KCNQ1: variants seen among roughly 807,000 people sequenced by gnomAD.
KCNQ1 encodes the protein potassium voltage-gated channel subfamily Q member 1.
A neutral mutation model predicts 72.4 loss-of-function variants in KCNQ1; 49 were observed. The observed-to-expected ratio is 0.68, with a 90% CI of 0.54 to 0.86. The LOEUF is 0.86. KCNQ1 is among the 40% of genes least tolerant of loss of function. The pLI, the probability that KCNQ1 is intolerant of heterozygous loss-of-function variation, is 0.00. For missense variants in KCNQ1, 790 were observed against 945.1 expected (o/e 0.84, Z 2.15); for synonymous variants, 450 against 412.6 (o/e 1.09, Z -1.10).
rs1452228133 is a variant in KCNQ1, at chr11:2,481,696, T to C, written c.386+36212T>C. 6.6e-6 allele frequency among the ~76,000 whole-genome samples: 1 copy of C among 152,190 alleles called. No homozygotes were observed. The highest frequency in any genetic ancestry group is 2.4e-5 in the African/African-American group (1 of 41,446). On this transcript the variant is annotated intron_variant, in intron 1 of 15. Coordinates refer to ENST00000155840, the MANE Select transcript of KCNQ1 (RefSeq NM_000218.3). The surrounding 1 kb of genome is among the most constrained non-coding windows in gnomAD (Gnocchi z 4.6). ...TAGATTCTCACAGGGGTGTGTACCC[T>C]GTTGCAAACTATGCATGTGAGGGAT...
At chr11:2,837,837 G>T in intron 15 of KCNQ1, among the ~76,000 whole-genome samples, 1 of 152,242 alleles carries the variant, frequency 6.6e-6, no homozygotes, top group East Asian at 1.9e-4. Context: ...CGCCCAGGGG[G>T]CCACAGGGGC....
Position 2,647,926 on chromosome 11 carries a change from T to A in KCNQ1, c.1394-14035T>A, listed in dbSNP as rs1849691300. The A allele has an allele frequency of 2.5e-6, 1 of 398,348 alleles. No homozygotes were observed. Among genetic ancestry groups the A allele is most frequent in the Admixed American group, 4.4e-5 (1 of 22,714 alleles). The allele number at this position is 398,348 out of a possible 1,614,324, so 24.7% of individuals were successfully genotyped here. On this transcript the variant is annotated intron_variant, in intron 10 of 15. Transcript: ENST00000155840. This position sits in a 1 kb window ranked among gnomAD's most constrained non-coding sequence, Gnocchi z 4.0. ...TGATTTTCTCTTTTCAAAAAATCAG[T>A]TTTTTGGCTGGGTTTGTTGGCTCAC...
rs1032406331 is a variant in KCNQ1 at position 2,818,366 on chromosome 11, C to T, written c.1795-29401C>T. 2.6e-5 allele frequency among the ~76,000 whole-genome samples: 4 copies of T among 152,318 alleles called. No homozygotes were observed. Among genetic ancestry groups the T allele is most frequent in the Admixed American group, 2.0e-4 (3 of 15,302 alleles). Reference sequence around the variant, plus strand: ...CTGCAGCCCGTGTTCCTGGAGCCACCGTCCCAGGTGTGGCTAAGGCCCCCA... The same window carrying T: ...CTGCAGCCCGTGTTCCTGGAGCCACTGTCCCAGGTGTGGCTAAGGCCCCCA... On this transcript the variant is annotated intron_variant, in intron 15 of 15. Coordinates refer to ENST00000155840, the MANE Select transcript of KCNQ1 (RefSeq NM_000218.3). The surrounding 1 kb of genome is among the most constrained non-coding windows in gnomAD (Gnocchi z 7.2).
intron 2 of KCNQ1, among the ~76,000 whole-genome samples, chr11:2,560,088 G>T (rs888234604): frequency 1.4e-5 from 2 of 139,774 alleles, no homozygotes; most frequent in African/African-American, 5.4e-5. Flanking sequence ...TCAGCCATGG[G>T]GGGCCGTGAC....
intron 2 of KCNQ1, among the ~76,000 whole-genome samples, chr11:2,553,214 G>A (rs1353786580): frequency 6.9e-6 from 1 of 145,004 alleles, no homozygotes; most frequent in African/African-American, 2.5e-5. Context: ...CTATGGAGAT[G>A]ATTGTGTTGT....
At position 2,550,912 on chromosome 11, in the gene KCNQ1, G is replaced by T. The variant is rs887272889; in HGVS notation, c.478-19716G>T. Among the ~76,000 whole-genome samples, 1 of 152,092 alleles carries T rather than the reference G, an allele frequency of 6.6e-6. No individual in the cohort carries two copies. The highest frequency in any genetic ancestry group is 1.5e-5 in the Non-Finnish European group (1 of 68,004). On this transcript the variant is annotated intron_variant, in intron 2 of 15. Coordinates refer to ENST00000155840, the MANE Select transcript of KCNQ1 (RefSeq NM_000218.3). This position sits in a 1 kb window ranked among gnomAD's most constrained non-coding sequence, Gnocchi z 6.0. ...GGGCACAGACTGAGACAGGGTCCCC[G>T]TGTTCCATCCATGGGGTACAGCTGC...
chr11:2,701,161 C>T (rs1288408435), intron 11 of KCNQ1, among the ~76,000 whole-genome samples: 1 of 152,164 alleles, frequency 6.6e-6, no homozygotes, highest in East Asian at 1.9e-4. Flanking sequence ...CTGCCTCTGC[C>T]GAAAATATAC....
In KCNQ1 at chr11:2,815,349, G is replaced by C. The variant is rs1303865523; in HGVS notation, c.1795-32418G>C. Among the ~76,000 whole-genome samples the C allele has an allele frequency of 1.3e-5, 2 of 152,166 alleles. No homozygotes were observed. The highest frequency in any genetic ancestry group is 4.8e-5 in the African/African-American group (2 of 41,426). Reference sequence around the variant, plus strand: ...CCACTGGACCTCTGTGCTTTCTGGTGGGGGGCTTGTCAGGGAGCTCATGGG... The same window carrying C: ...CCACTGGACCTCTGTGCTTTCTGGTCGGGGGCTTGTCAGGGAGCTCATGGG... On this transcript the variant is annotated intron_variant, in intron 15 of 15. Coordinates refer to ENST00000155840, the MANE Select transcript of KCNQ1 (RefSeq NM_000218.3). This position sits in a 1 kb window ranked among gnomAD's most constrained non-coding sequence, Gnocchi z 5.4.
At position 2,451,519 on chromosome 11, in the gene KCNQ1, C is replaced by G. The variant is rs1014266559; in HGVS notation, c.386+6035C>G. 6.6e-6 allele frequency among the ~76,000 whole-genome samples: 1 copy of G among 152,184 alleles called. No individual in the cohort carries two copies. Among genetic ancestry groups the G allele is most frequent in the African/African-American group, 2.4e-5 (1 of 41,438 alleles). ...GTCATTGCCCTTGGAGGGTTCTGAG[C>G]ACTGGAAGGACCTGGCTGTGGTCCC... On this transcript the variant is annotated intron_variant, in intron 1 of 15. Transcript: ENST00000155840. This position sits in a 1 kb window ranked among gnomAD's most constrained non-coding sequence, Gnocchi z 6.4.
At position 2,588,956 on chromosome 11, in the gene KCNQ1, T is replaced by G. The variant is rs1171566238; in HGVS notation, c.1393+102T>G. On this transcript the variant is annotated intron_variant, in intron 10 of 15. Coordinates refer to ENST00000155840, the MANE Select transcript of KCNQ1 (RefSeq NM_000218.3). This position sits in a 1 kb window ranked among gnomAD's most constrained non-coding sequence, Gnocchi z 5.6. Reference sequence around the variant, plus strand: ...TGAGTTTCTCCCTTGGGCTGTGGTCTCTGACAACGAGGTATGAACAGACAG... The same window carrying G: ...TGAGTTTCTCCCTTGGGCTGTGGTCGCTGACAACGAGGTATGAACAGACAG... 1.5e-6 allele frequency: 2 copies of G among 1,374,460 alleles called. No homozygotes were observed. The highest frequency in any genetic ancestry group is 2.0e-6 in the Non-Finnish European group (2 of 990,904). The allele number at this position is 1,374,460 out of a possible 1,614,324, so 85.1% of individuals were successfully genotyped here. A position where few individuals can be genotyped will look rare whatever the true frequency, so the allele number is the denominator to read the frequency against.
intron 6 of KCNQ1, among the ~76,000 whole-genome samples, chr11:2,577,439 C>A (rs766761192): frequency 6.6e-6 from 1 of 152,216 alleles, no homozygotes; most frequent in Non-Finnish European, 1.5e-5. Context: ...GGCGCTGAGC[C>A]TGGCTGTACC....
At position 2,609,779 on chromosome 11, in the gene KCNQ1, TTTAAC is replaced by T. The variant is rs201803626; in HGVS notation, c.1393+20928_1393+20932del. The T allele has an allele frequency of 9.3e-3, 3,700 of 398,224 alleles. 74 individuals are homozygous for T. The highest frequency in any genetic ancestry group is 0.054 in the South Asian group (421 of 7,846). The allele number at this position is 398,224 out of a possible 1,614,324, so 24.7% of individuals were successfully genotyped here. A position where few individuals can be genotyped will look rare whatever the true frequency, so the allele number is the denominator to read the frequency against. On this transcript the variant is annotated intron_variant, in intron 10 of 15. Transcript: ENST00000155840. The stretch of plus-strand genomic sequence containing the variant: ...ATTTTATCATTATGAGATATTCATA[TTTAAC>T]TTCAGTAACATTCTTAATTTAAAAT...
At chr11:2,531,152 A>AGAAGCCTGCACCCAGGCCGGC (rs1564808182) in intron 2 of KCNQ1, among the ~76,000 whole-genome samples, 6 of 147,600 alleles carry the variant, frequency 4.1e-5, no homozygotes, top group Admixed American at 6.7e-5. Flanking sequence ...CCCAGGCTGG[A>AGAAGCCTGCACCCAGGCCGGC]CCTGCAGGGA....
chr11:2,532,068 C>T (rs934767117), intron 2 of KCNQ1, among the ~76,000 whole-genome samples: 35 of 152,182 alleles, frequency 2.3e-4, no homozygotes, highest in Non-Finnish European at 1.0e-4. Flanking sequence ...TGGCTGTCCT[C>T]GGGAGTGTCA....
intron 8 of KCNQ1, among the ~76,000 whole-genome samples, chr11:2,587,131 G>A (rs1848603200): frequency 6.6e-6 from 1 of 152,176 alleles, no homozygotes; most frequent in Non-Finnish European, 1.5e-5. Flanking sequence ...CTCAGCACCT[G>A]CAGGTCCTGG....
intron 15 of KCNQ1, among the ~76,000 whole-genome samples, chr11:2,797,997 G>C (rs233440): frequency 0.55 from 84,412 of 152,098 alleles, 23,805 homozygotes; most frequent in African/African-American, 0.65. Flanking sequence ...TCCAGGCCAA[G>C]TTCAGCCCTC....
intron 10 of KCNQ1, chr11:2,629,399 A>G (rs1264394366): frequency 1.0e-5 from 4 of 398,372 alleles, no homozygotes; most frequent in Non-Finnish European, 1.3e-5. Flanking sequence ...AATGAAGTCA[A>G]TACCAAATCC....
chr11:2,641,914 G>A (rs1849585678), intron 10 of KCNQ1: 1 of 398,208 alleles, frequency 2.5e-6, no homozygotes, highest in African/African-American at 2.1e-5. Context: ...TATGTTCTTG[G>A]CATCTTTGTC....
At position 2,670,870 on chromosome 11, in the gene KCNQ1, C is replaced by CA. The variant is rs1268350192; in HGVS notation, c.1514+8790dup. 1 of 398,520 alleles carries CA rather than the reference C, an allele frequency of 2.5e-6. No individual in the cohort carries two copies. Among genetic ancestry groups the CA allele is most frequent in the East Asian group, 3.6e-5 (1 of 28,080 alleles). The allele number at this position is 398,520 out of a possible 1,614,324, so 24.7% of individuals were successfully genotyped here. A position where few individuals can be genotyped will look rare whatever the true frequency, so the allele number is the denominator to read the frequency against. ...CAAAGGTCCTCACTGGCCAGTGGGC[C>CA]ACTGGGAAGCCTCCTGGATTGCCTG... On this transcript the variant is annotated intron_variant, in intron 11 of 15. Coordinates refer to ENST00000155840, the MANE Select transcript of KCNQ1 (RefSeq NM_000218.3). This position sits in a 1 kb window ranked among gnomAD's most constrained non-coding sequence, Gnocchi z 4.9.
Sources: gnomAD v4.1 joint callset for allele counts (sites outside exome capture counted in the v4.1 genomes callset) on GRCh38, gnomAD v4.1.1 for gene constraint, Gnocchi (gnomAD v3.1) non-coding constraint, MANE v1.5 for transcripts, NCBI Gene and HGNC (gene_info 2026-07-23, HGNC 2026-07-21) for gene names.